Variants in SLFN12L observed in about 807,000 individuals in gnomAD.
The protein encoded by SLFN12L is schlafen family member 12 like.
Under a neutral mutation model 34.8 loss-of-function variants are expected in SLFN12L, and 34 were observed. The ratio of observed to expected loss-of-function variants is 0.98; its 90% CI spans 0.74 to 1.30. SLFN12L has a LOEUF of 1.30. Ranked by LOEUF, SLFN12L falls within the 50% of genes most tolerant of loss-of-function variation. The probability of loss-of-function intolerance (pLI) is 0.00; values close to 1 mark genes in which losing one functional copy is unlikely to be tolerated. For synonymous variants in SLFN12L, 259 were observed against 247.5 expected (o/e 1.05, Z -0.44); for missense variants, 703 against 696.2 (o/e 1.01, Z -0.11).
At chr17:35,498,462 G>A (rs986396823) in intron 2 of SLFN12L, 2 of 1,263,788 alleles carry the variant, frequency 1.6e-6, no homozygotes, top group Admixed American at 1.7e-5. Flanking sequence ...TTTTCTCATC[G>A]ATTCTGATTC....
intron 2 of SLFN12L, among the ~76,000 whole-genome samples, chr17:35,517,026 T>C (rs776693495): frequency 6.6e-6 from 1 of 152,216 alleles, no homozygotes; most frequent in South Asian, 2.1e-4. Flanking sequence ...GCACTAATTT[T>C]CTACACATGG....
Position 35,479,451 on chromosome 17 carries a change from T to C in SLFN12L, c.831A>G (p.Gly277=). ...CTTCATTTAGACCAACGAATAAATATCCTCCATCAGTATTTGCAAATGCAG... is the reference window on the plus strand; with the variant it reads ...CTTCATTTAGACCAACGAATAAATACCCTCCATCAGTATTTGCAAATGCAG... The part of the protein sequence containing the change: ...YVSAFANTDG[G]YLFVGLNEDK... The change falls in exon 3 of 5, where the codon GGA becomes GGG. Residue 277 remains glycine (G), a synonymous_variant. Coordinates refer to ENST00000628453, the MANE Select transcript of SLFN12L (RefSeq NM_001363830.2). 1 of 1,614,156 alleles carries C rather than the reference T, an allele frequency of 6.2e-7. No homozygotes were observed. The highest frequency in any genetic ancestry group is 8.5e-7 in the Non-Finnish European group (1 of 1,180,010).
chr17:35,528,884 A>G (rs1211993766), intron 1 of SLFN12L, among the ~76,000 whole-genome samples: 2 of 152,232 alleles, frequency 1.3e-5, no homozygotes, highest in Non-Finnish European at 2.9e-5. Context: ...AGCAAAAGAA[A>G]CTAACATCAG....
intron 2 of SLFN12L, among the ~76,000 whole-genome samples, chr17:35,501,697 T>G (rs1567670845): frequency 6.6e-6 from 1 of 152,176 alleles, no homozygotes; most frequent in African/African-American, 2.4e-5. Context: ...AGGGAGACTA[T>G]GGAGTACTAT....
intron 2 of SLFN12L, among the ~76,000 whole-genome samples, chr17:35,483,467 A>C (rs531224342): frequency 6.6e-6 from 1 of 152,310 alleles, no homozygotes; most frequent in South Asian, 2.1e-4. Flanking sequence ...AAAACACAGA[A>C]GAAGTTGACA....
At chr17:35,487,018 GGGTGCTTGGTTTTTCTTTCA>G (rs376035822) in intron 2 of SLFN12L, among the ~76,000 whole-genome samples, 2 of 152,346 alleles carry the variant, frequency 1.3e-5, no homozygotes, top group African/African-American at 4.8e-5. Context: ...CAGCGCAAGA[GGGTGCTTGGTTTTTCTTTCA>G]GGATCTAGGG....
At chr17:35,508,117 T>C (rs1472179304) in intron 2 of SLFN12L, among the ~76,000 whole-genome samples, 1 of 152,226 alleles carries the variant, frequency 6.6e-6, no homozygotes, top group Non-Finnish European at 1.5e-5. Flanking sequence ...AAAATCCCTG[T>C]CCTGTTCTGT....
chr17:35,496,783 C>T (rs1380843578), intron 2 of SLFN12L, among the ~76,000 whole-genome samples: 5 of 152,182 alleles, frequency 3.3e-5, no homozygotes, highest in Non-Finnish European at 4.4e-5. Context: ...CTTTGCGCCT[C>T]CCCAGACCCT....
In SLFN12L at chr17:35,473,355, C is replaced by A. The variant is rs947600328; in HGVS notation, c.*1568G>T. Reference sequence around the variant, plus strand: ...TACCCAGTTTATTGAGAGTTTTTAACATAAAGGGATGTTGAATTTTGTCAG... The same window carrying A: ...TACCCAGTTTATTGAGAGTTTTTAAAATAAAGGGATGTTGAATTTTGTCAG... On this transcript the variant is annotated 3_prime_UTR_variant, in exon 5 of 5. Transcript: ENST00000628453. Among the ~76,000 whole-genome samples the A allele has an allele frequency of 6.6e-6, 1 of 152,116 alleles. No individual in the cohort carries two copies. The highest frequency in any genetic ancestry group is 1.5e-5 in the Non-Finnish European group (1 of 68,026).
chr17:35,516,181 A>T (rs780863579), intron 2 of SLFN12L, among the ~76,000 whole-genome samples: 15 of 152,154 alleles, frequency 9.9e-5, no homozygotes, highest in Non-Finnish European at 1.3e-4. Context: ...TGTCCTTCAC[A>T]TATCACTACC....
intron 2 of SLFN12L, among the ~76,000 whole-genome samples, chr17:35,486,273 C>T (rs8065626): frequency 0.052 from 7,905 of 152,240 alleles, 264 homozygotes; most frequent in East Asian, 0.16. Flanking sequence ...AACTGGAGTC[C>T]TGTCCCCTTT....
chr17:35,496,271 C>T (rs1317384329), intron 2 of SLFN12L, among the ~76,000 whole-genome samples: 1 of 151,996 alleles, frequency 6.6e-6, no homozygotes. Context: ...ATCTTATGAG[C>T]CCAGGAAATC....
Position 35,466,189 on chromosome 17 carries a change from C to T in SLFN12L, c.*8734G>A, listed in dbSNP as rs75361910. Among the ~76,000 whole-genome samples the T allele has an allele frequency of 0.082, 12,515 of 152,124 alleles. 559 individuals carry two copies. Among genetic ancestry groups the T allele is most frequent in the East Asian group, 0.15 (757 of 5,172 alleles). ...AAATCCATTGCGACTTTTACATTAG[C>T]GTTCATTCTTCTTGTACATTTTATG... is the stretch of plus-strand genomic sequence containing the variant. On this transcript the variant is annotated 3_prime_UTR_variant, in exon 5 of 5. Transcript: ENST00000628453.
chr17:35,490,125 A>C (rs1331414068), intron 2 of SLFN12L: 15 of 1,604,914 alleles, frequency 9.3e-6, no homozygotes, highest in Non-Finnish European at 1.1e-5. Context: ...ACCGCCGGCA[A>C]CCTCCTCTAC....
Position 35,475,114 on chromosome 17 carries a change from T to G in SLFN12L, c.1648A>C (p.Ser550Arg), listed in dbSNP as rs1367436732. Residue 550 changes from serine to arginine, a missense_variant, in exon 5 of 5, where the codon AGC becomes CGC. Physicochemically the swap from Ser to Arg is moderately radical, Grantham distance 110 (BLOSUM62 -1). Transcript: ENST00000628453. ...IFYLSPEGKT[S>R]CQYDLNSQVI... ...TGCGAGTTTAAATCATACTGGCAGCTTGTCTTGCCTTCAGGGCTCAAGTAG... is the reference window on the plus strand; with the variant it reads ...TGCGAGTTTAAATCATACTGGCAGCGTGTCTTGCCTTCAGGGCTCAAGTAG... The G allele has an allele frequency of 1.2e-6, 2 of 1,614,244 alleles. No homozygotes were observed. The highest frequency in any genetic ancestry group is 1.7e-6 in the Non-Finnish European group (2 of 1,180,042).
At chr17:35,493,739 G>C (rs1217513706) in intron 2 of SLFN12L, among the ~76,000 whole-genome samples, 4 of 152,192 alleles carry the variant, frequency 2.6e-5, no homozygotes, top group African/African-American at 7.2e-5. Flanking sequence ...GTACAGAGTT[G>C]TGCATAGCAA....
At chr17:35,501,563 G>A (rs909875057) in intron 2 of SLFN12L, among the ~76,000 whole-genome samples, 6 of 152,164 alleles carry the variant, frequency 3.9e-5, no homozygotes, top group Non-Finnish European at 5.9e-5. Flanking sequence ...CTTTTTATCC[G>A]TTCTTTGTTT....
intron 2 of SLFN12L, among the ~76,000 whole-genome samples, chr17:35,489,086 A>G (rs1490417231): frequency 1.3e-5 from 2 of 151,950 alleles, no homozygotes; most frequent in East Asian, 1.9e-4. Context: ...AAAACAAAAC[A>G]AAAGTACATA....
intron 2 of SLFN12L, among the ~76,000 whole-genome samples, chr17:35,512,595 T>C (rs540296991): frequency 1.3e-5 from 2 of 152,290 alleles, no homozygotes; most frequent in South Asian, 2.1e-4. Flanking sequence ...CTGGATCTCC[T>C]GACCTTGTGA....
Sources: allele counts gnomAD v4.1 joint callset (sites outside exome capture counted in the v4.1 genomes callset), GRCh38; gene constraint gnomAD v4.1.1; transcripts MANE v1.5; gene names NCBI Gene and HGNC (gene_info 2026-07-23, HGNC 2026-07-21).